The following PARD3 variants were observed in gnomAD, a reference collection of about 807,000 sequenced individuals.
The protein encoded by PARD3 is par-3 family cell polarity regulator, also known as partitioning defective 3 homolog.
Under a neutral mutation model 155.4 loss-of-function variants are expected in PARD3, and 75 were observed. That is an observed-to-expected ratio of 0.48 (90% CI 0.40 to 0.58). PARD3 has a LOEUF of 0.58. Ranked by LOEUF, PARD3 falls within the 20% of genes least tolerant of loss-of-function variation. The pLI, the probability that PARD3 is intolerant of heterozygous loss-of-function variation, is 0.00. For missense variants in PARD3, 1,642 were observed against 1,721.7 expected, an observed-to-expected ratio of 0.95 and a Z score of 0.82; for synonymous variants, 576 against 610.5, an observed-to-expected ratio of 0.94 and a Z score of 0.83.
At chr10:34,581,740 T>A (rs997027696) in intron 2 of PARD3, among the ~76,000 whole-genome samples, 3 of 152,132 alleles carry the variant, frequency 2.0e-5, no homozygotes, top group Non-Finnish European at 2.9e-5. Context: ...GGACTTGTCA[T>A]CTCTTGGTGT....
intron 22 of PARD3, among the ~76,000 whole-genome samples, chr10:34,198,505 T>G (rs963954470): frequency 6.6e-6 from 1 of 151,576 alleles, no homozygotes; most frequent in African/African-American, 2.4e-5. Flanking sequence ...TGTGTGTCTG[T>G]GAAGAGATAA....
intron 2 of PARD3, among the ~76,000 whole-genome samples, chr10:34,639,263 G>A (rs1353907203): frequency 6.6e-6 from 1 of 152,096 alleles, no homozygotes; most frequent in Non-Finnish European, 1.5e-5. Flanking sequence ...AGGCATGGTG[G>A]CACGTGACTG....
intron 7 of PARD3, among the ~76,000 whole-genome samples, chr10:34,398,740 A>G (rs1451604101): frequency 1.3e-5 from 2 of 152,218 alleles, no homozygotes; most frequent in East Asian, 1.9e-4. Context: ...GGAAACTGAC[A>G]TAACATTTGA....
intron 22 of PARD3, among the ~76,000 whole-genome samples, chr10:34,234,055 T>C (rs191860179): frequency 5.3e-4 from 81 of 152,052 alleles, no homozygotes; most frequent in African/African-American, 1.9e-3. Flanking sequence ...ACTACTGATA[T>C]AGAACTACTT....
intron 22 of PARD3, among the ~76,000 whole-genome samples, chr10:34,217,930 G>A (rs757727697): frequency 1.3e-5 from 2 of 152,166 alleles, no homozygotes; most frequent in Non-Finnish European, 2.9e-5. Context: ...ATGAAGTCAT[G>A]AAGAGTGACA....
intron 1 of PARD3, among the ~76,000 whole-genome samples, chr10:34,737,922 A>T (rs143748442): frequency 6.6e-6 from 1 of 152,332 alleles, no homozygotes; most frequent in Non-Finnish European, 1.5e-5. Context: ...TGGTTCTCAG[A>T]ACTGCCATTG....
chr10:34,190,356 G>A (rs1446586618), intron 22 of PARD3, among the ~76,000 whole-genome samples: 1 of 152,006 alleles, frequency 6.6e-6, no homozygotes, highest in Non-Finnish European at 1.5e-5. Flanking sequence ...AATGCCACTG[G>A]TCTTACAATT....
At position 34,429,557 on chromosome 10, in the gene PARD3, T is replaced by G. The variant is rs561345419; in HGVS notation, c.714+20760A>C. 3.5e-3 allele frequency among the ~76,000 whole-genome samples: 103 copies of G among 29,418 alleles called. 2 individuals carry two copies. In the East Asian group the frequency reaches 0.047, roughly 13 times the overall value. The allele number at this position is 29,418 out of a possible 152,430, so 19.3% of individuals were successfully genotyped here. A position where few individuals can be genotyped will look rare whatever the true frequency, so the allele number is the denominator to read the frequency against. ...AATACAGCCCCACTCTAACTCAGTT[T>G]TGTTTTGTTTTGTTTTGTTTTGTTT... is the stretch of plus-strand genomic sequence containing the variant. On this transcript the variant is annotated intron_variant, in intron 5 of 24. Coordinates refer to ENST00000374788, the MANE Select transcript of PARD3 (RefSeq NM_001184785.2).
intron 22 of PARD3, among the ~76,000 whole-genome samples, chr10:34,149,890 T>A (rs946387761): frequency 6.6e-6 from 1 of 152,212 alleles, no homozygotes; most frequent in African/African-American, 2.4e-5. Flanking sequence ...ACAACTATAA[T>A]TACTCTGTCA....
In PARD3 at chr10:34,480,509, G is replaced by T. The variant is rs189693332; in HGVS notation, c.404-10246C>A. 1.5e-3 allele frequency among the ~76,000 whole-genome samples: 236 copies of T among 152,288 alleles called. 1 individual carries two copies. The highest frequency in any genetic ancestry group is 2.8e-3 in the Non-Finnish European group (192 of 68,034). On this transcript the variant is annotated intron_variant, in intron 3 of 24. Coordinates refer to ENST00000374788, the MANE Select transcript of PARD3 (RefSeq NM_001184785.2). ...CCATCTCAGCCTCCTAAAGCCTTGA[G>T]ATTACCAGCATGAACCACCTCGCCC...
chr10:34,404,945 G>A (rs1844281640), intron 5 of PARD3, among the ~76,000 whole-genome samples: 1 of 151,982 alleles, frequency 6.6e-6, no homozygotes, highest in African/African-American at 2.4e-5. Flanking sequence ...GATAGTGCGT[G>A]CCTGTAGTCC....
chr10:34,683,576 C>A (rs112239901), intron 2 of PARD3, among the ~76,000 whole-genome samples: 1 of 150,444 alleles, frequency 6.6e-6, no homozygotes, highest in African/African-American at 2.4e-5. Context: ...AAAAGCACAG[C>A]GCGGCACACC....
chr10:34,583,454 T>C (rs1459573762), intron 2 of PARD3, among the ~76,000 whole-genome samples: 8 of 152,180 alleles, frequency 5.3e-5, no homozygotes, highest in African/African-American at 1.7e-4. Context: ...GATTTTTTTT[T>C]AATTTTTGCC....
In PARD3 at chr10:34,430,538, C is replaced by T. The variant is rs117370336; in HGVS notation, c.714+19779G>A. 1.3e-3 allele frequency among the ~76,000 whole-genome samples: 199 copies of T among 152,290 alleles called. 1 individual carries two copies. In the East Asian group the frequency reaches 0.017, roughly 13 times the overall value. On this transcript the variant is annotated intron_variant, in intron 5 of 24. Coordinates refer to ENST00000374788, the MANE Select transcript of PARD3 (RefSeq NM_001184785.2). ...CATACGGTAACTAAAATAACTAACACTGATTAATATTGAACCATATTATTT... is the reference window on the plus strand; with the variant it reads ...CATACGGTAACTAAAATAACTAACATTGATTAATATTGAACCATATTATTT...
intron 1 of PARD3, among the ~76,000 whole-genome samples, chr10:34,795,517 T>G (rs11009941): frequency 0.36 from 53,848 of 151,452 alleles, 10,725 homozygotes; most frequent in African/African-American, 0.55. Context: ...GGCTGAGAGG[T>G]GGGAGAATCA....
At chr10:34,647,884 T>C (rs748951078) in intron 2 of PARD3, among the ~76,000 whole-genome samples, 7 of 152,214 alleles carry the variant, frequency 4.6e-5, no homozygotes, top group Non-Finnish European at 8.8e-5. Flanking sequence ...GGAGTAGGGA[T>C]ATTTAAGTGC....
chr10:34,209,348 C>G (rs1165780044), intron 22 of PARD3, among the ~76,000 whole-genome samples: 1 of 152,112 alleles, frequency 6.6e-6, no homozygotes, highest in Non-Finnish European at 1.5e-5. Context: ...TAATGTCATG[C>G]TATTAAATAT....
chr10:34,345,578 G>A (rs987941670), intron 15 of PARD3: 1 of 984,912 alleles, frequency 1.0e-6, no homozygotes, highest in African/African-American at 1.7e-5. Context: ...CCTAGATACT[G>A]TGCAAATCAA....
chr10:34,725,046 G>A (rs1316545729), intron 1 of PARD3, among the ~76,000 whole-genome samples: 5 of 151,922 alleles, frequency 3.3e-5, no homozygotes, highest in Non-Finnish European at 2.9e-5. Flanking sequence ...TCTGAGAAAT[G>A]TGAGTAACAA....
Sources: gnomAD v4.1 joint callset for allele counts (sites outside exome capture counted in the v4.1 genomes callset) on GRCh38, gnomAD v4.1.1 for gene constraint, MANE v1.5 for transcripts, NCBI Gene and HGNC (gene_info 2026-07-23, HGNC 2026-07-21) for gene names.